Variants in PTPRD observed in about 807,000 individuals in gnomAD.
PTPRD encodes receptor-type tyrosine-protein phosphatase delta.
A neutral mutation model predicts 214.5 loss-of-function variants in PTPRD; 34 were observed. The observed-to-expected ratio is 0.16, with a 90% confidence interval of 0.12 to 0.21. PTPRD has a LOEUF of 0.21. Ranked by LOEUF, PTPRD falls within the 10% of genes least tolerant of loss-of-function variation. The pLI is 1.00. For synonymous variants in PTPRD, 1,128 were observed against 845.7 expected, an observed-to-expected ratio of 1.33 and a Z score of -5.79; for missense variants, 2,545 against 2,398.7, an observed-to-expected ratio of 1.06 and a Z score of -1.27.
At chr9:10,084,006 T>C (rs1010011426) in intron 3 of PTPRD, among the ~76,000 whole-genome samples, 1 of 151,982 alleles carries the variant, frequency 6.6e-6, no homozygotes, top group Non-Finnish European at 1.5e-5. Flanking sequence ...TTAATGACCA[T>C]GTGACTTTAG....
At chr9:9,041,251 G>C (rs991312629) in intron 10 of PTPRD, among the ~76,000 whole-genome samples, 2 of 152,032 alleles carry the variant, frequency 1.3e-5, no homozygotes, top group Non-Finnish European at 2.9e-5. Flanking sequence ...TACAGGTGCG[G>C]GTTTGTTATG....
Position 9,918,875 on chromosome 9 carries a change from C to T in PTPRD, c.-368+19632G>A, listed in dbSNP as rs965941274. 9.2e-5 allele frequency among the ~76,000 whole-genome samples: 14 copies of T among 152,052 alleles called. 1 individual carries two copies. The highest frequency in any genetic ancestry group is 9.2e-4 in the Admixed American group (14 of 15,248). On this transcript the variant is annotated intron_variant, in intron 5 of 45. Transcript: ENST00000381196. ...TGCAGAAGAATTAGACCCCTGCCTCCAACCCTATACAAACATCAATTCAAA... is the reference window on the plus strand; with the variant it reads ...TGCAGAAGAATTAGACCCCTGCCTCTAACCCTATACAAACATCAATTCAAA...
At chr9:8,386,928 T>C (rs2087298224) in intron 37 of PTPRD, among the ~76,000 whole-genome samples, 1 of 152,130 alleles carries the variant, frequency 6.6e-6, no homozygotes, top group Non-Finnish European at 1.5e-5. Context: ...CCAGGACATG[T>C]GGTCATTTAG....
chr9:10,390,794 A>G (rs1422059800), intron 2 of PTPRD, among the ~76,000 whole-genome samples: 1 of 151,752 alleles, frequency 6.6e-6, no homozygotes, highest in African/African-American at 2.4e-5. Flanking sequence ...CATATGACAC[A>G]TGTCTGCAGG....
At chr9:10,193,800 C>A (rs1431677456) in intron 3 of PTPRD, among the ~76,000 whole-genome samples, 2 of 152,068 alleles carry the variant, frequency 1.3e-5, no homozygotes, top group Non-Finnish European at 2.9e-5. Flanking sequence ...TATCTTTAAA[C>A]TACTTTAAAT....
At chr9:9,902,288 C>G (rs1487346701) in intron 5 of PTPRD, among the ~76,000 whole-genome samples, 1 of 152,032 alleles carries the variant, frequency 6.6e-6, no homozygotes, top group East Asian at 1.9e-4. Context: ...ATTTATGTAT[C>G]TTTGTGAATA....
intron 32 of PTPRD, 75 bp from the exon 33 acceptor site, chr9:8,460,646 C>T: frequency 7.0e-7 from 1 of 1,427,356 alleles, no homozygotes; most frequent in Non-Finnish European, 9.5e-7. Context: ...TTAGAAGAAG[C>T]AAAAAATCCA....
At position 10,246,585 on chromosome 9, in the gene PTPRD, A is replaced by G. The variant is rs141001226; in HGVS notation, c.-545+94378T>C. 3.4e-3 allele frequency among the ~76,000 whole-genome samples: 514 copies of G among 152,288 alleles called. 3 individuals carry two copies. Among genetic ancestry groups the G allele is most frequent in the African/African-American group, 0.012 (493 of 41,550 alleles). On this transcript the variant is annotated intron_variant, in intron 3 of 45. Transcript: ENST00000381196. ...ATAGTTCTAATTCCTGCAGAGTTCA[A>G]ATAAACAACTACTTAGGGCAGGAAG... is the stretch of plus-strand genomic sequence containing the variant.
At chr9:9,890,986 A>G (rs1211168576) in intron 5 of PTPRD, among the ~76,000 whole-genome samples, 1 of 152,150 alleles carries the variant, frequency 6.6e-6, no homozygotes, top group African/African-American at 2.4e-5. Flanking sequence ...CATAGAAAAG[A>G]AAAACATGCA....
intron 10 of PTPRD, among the ~76,000 whole-genome samples, chr9:9,073,588 A>T (rs2099746921): frequency 6.6e-6 from 1 of 152,192 alleles, no homozygotes; most frequent in Admixed American, 6.5e-5. Flanking sequence ...AAAAAGAAGA[A>T]ATTTTACCTG....
chr9:10,306,377 A>C (rs1039913638), intron 3 of PTPRD, among the ~76,000 whole-genome samples: 1 of 152,074 alleles, frequency 6.6e-6, no homozygotes, highest in African/African-American at 2.4e-5. Flanking sequence ...TACCTATGTA[A>C]CAAACCTGCA....
chr9:9,783,247 G>A (rs1011765943), intron 5 of PTPRD, among the ~76,000 whole-genome samples: 1 of 152,146 alleles, frequency 6.6e-6, no homozygotes, highest in South Asian at 2.1e-4. Context: ...ATGTGCATTT[G>A]TATATTTTTT....
chr9:9,473,698 G>A (rs1247599784), intron 8 of PTPRD, among the ~76,000 whole-genome samples: 1 of 151,776 alleles, frequency 6.6e-6, no homozygotes, highest in Non-Finnish European at 1.5e-5. Flanking sequence ...CTTCATCACT[G>A]TGGTTTTTAT....
At chr9:8,340,234 C>A in intron 42 of PTPRD, 109 bp downstream of exon 42, 1 of 1,268,862 alleles carries the variant, frequency 7.9e-7, no homozygotes. Context: ...GTCCAGAGTG[C>A]ACTGCATTTC....
At chr9:8,702,595 G>T (rs1466206193) in intron 12 of PTPRD, among the ~76,000 whole-genome samples, 1 of 152,132 alleles carries the variant, frequency 6.6e-6, no homozygotes, top group Non-Finnish European at 1.5e-5. Flanking sequence ...TTTAAGAAAA[G>T]CCACAATATA....
At chr9:10,389,180 T>C (rs2097998937) in intron 2 of PTPRD, among the ~76,000 whole-genome samples, 1 of 151,784 alleles carries the variant, frequency 6.6e-6, no homozygotes, top group Non-Finnish European at 1.5e-5. Context: ...GCAAACCCTA[T>C]TAAAGAGAAT....
At chr9:9,551,566 C>T (rs542863945) in intron 8 of PTPRD, among the ~76,000 whole-genome samples, 1 of 151,980 alleles carries the variant, frequency 6.6e-6, no homozygotes. Context: ...TGGATTTGAT[C>T]TTCCAGAGTA....
At chr9:9,197,693 G>A (rs996009064) in intron 9 of PTPRD, among the ~76,000 whole-genome samples, 5 of 152,202 alleles carry the variant, frequency 3.3e-5, no homozygotes, top group Non-Finnish European at 7.3e-5. Context: ...TTACAGGCAT[G>A]AGCCACCATG....
At chr9:10,206,547 G>C (rs1289212457) in intron 3 of PTPRD, among the ~76,000 whole-genome samples, 1 of 152,136 alleles carries the variant, frequency 6.6e-6, no homozygotes, top group East Asian at 1.9e-4. Context: ...AAAACTACTG[G>C]ATGTATCAGA....
Sources: gnomAD v4.1 joint callset for allele counts (sites outside exome capture counted in the v4.1 genomes callset) on GRCh38, gnomAD v4.1.1 for gene constraint, MANE v1.5 for transcripts, NCBI Gene and HGNC (gene_info 2026-07-23, HGNC 2026-07-21) for gene names.